Variants in SPCS2 observed in about 807,000 individuals in gnomAD.
SPCS2 encodes the protein SPase 25 kDa subunit.
A neutral mutation model predicts 22.3 loss-of-function variants in SPCS2; 3 were observed. That is an observed-to-expected ratio of 0.13 (90% CI 0.06 to 0.35). The LOEUF (loss-of-function observed/expected upper bound fraction) is 0.35. Among genes scored for constraint, SPCS2 ranks in the 10% least tolerant of loss-of-function variants. SPCS2 has a pLI of 1.00. For missense variants in SPCS2, 169 were observed against 280.9 expected, an observed-to-expected ratio of 0.60 and a Z score of 2.85; for synonymous variants, 67 against 97.2, an observed-to-expected ratio of 0.69 and a Z score of 1.83.
At chr11:74,976,832 T>A (rs771475289) in intron 4 of SPCS2, 25 bp from the exon 5 acceptor site, 2 of 1,613,332 alleles carry the variant, frequency 1.2e-6, no homozygotes, top group African/African-American at 2.7e-5. Flanking sequence ...GGTTTTTAAT[T>A]TGTTATCTTT....
At chr11:74,973,859 A>G (rs1024495407) in intron 4 of SPCS2, among the ~76,000 whole-genome samples, 9 of 151,696 alleles carry the variant, frequency 5.9e-5, no homozygotes, top group African/African-American at 1.2e-4. Flanking sequence ...CCTTGGGTCT[A>G]TGGGATTCTA....
At chr11:74,951,412 A>G (rs1355299183) in intron 1 of SPCS2, among the ~76,000 whole-genome samples, 2 of 152,202 alleles carry the variant, frequency 1.3e-5, no homozygotes, top group African/African-American at 2.4e-5. Context: ...AGATGGGGTA[A>G]TTGAATCTAT....
intron 1 of SPCS2, among the ~76,000 whole-genome samples, chr11:74,964,258 T>A (rs1209952901): frequency 2.0e-5 from 3 of 152,226 alleles, no homozygotes; most frequent in African/African-American, 7.2e-5. Context: ...TAAGTTGGCA[T>A]TCGTAGGTGC....
At chr11:74,972,896 T>TATA (rs1565488129) in intron 4 of SPCS2, among the ~76,000 whole-genome samples, 2 of 78,464 alleles carry the variant, frequency 2.5e-5, no homozygotes, top group East Asian at 6.0e-4. Context: ...ATATATATAT[T>TATA]TTTTTTTTTC....
intron 1 of SPCS2, among the ~76,000 whole-genome samples, chr11:74,954,463 CCT>C (rs1272043251): frequency 6.6e-6 from 1 of 152,214 alleles, no homozygotes; most frequent in Non-Finnish European, 1.5e-5. Flanking sequence ...AGGTGGAAGA[CCT>C]AGGCTGTGGC....
chr11:74,959,502 C>T (rs961073243), intron 1 of SPCS2, among the ~76,000 whole-genome samples: 5 of 152,200 alleles, frequency 3.3e-5, no homozygotes, highest in Non-Finnish European at 1.5e-5. Context: ...AAGCCATCTT[C>T]CTGCCTCTGT....
In SPCS2 at chr11:74,978,510, G is replaced by C. The variant is rs1010055911; in HGVS notation, c.*1467G>C. On this transcript the variant is annotated 3_prime_UTR_variant, in exon 5 of 5. Transcript: ENST00000263672. ...TACAGTCATCTTGGTATTTGTGGGA[G>C]ATTGGTTCCAGGATCCCCAAGCATA... is the stretch of plus-strand genomic sequence containing the variant. 17 of 152,170 alleles carry C rather than the reference G, an allele frequency of 1.1e-4. No individual in the cohort carries two copies. The highest frequency in any genetic ancestry group is 3.9e-4 in the African/African-American group (16 of 41,440). The allele number at this position is 152,170 out of a possible 1,614,324, so 9.4% of individuals were successfully genotyped here. A position where few individuals can be genotyped will look rare whatever the true frequency, so the allele number is the denominator to read the frequency against.
chr11:74,959,464 C>G (rs911487809), intron 1 of SPCS2, among the ~76,000 whole-genome samples: 2 of 152,214 alleles, frequency 1.3e-5, no homozygotes, highest in African/African-American at 4.8e-5. Flanking sequence ...ACAATCACGG[C>G]TCACTGCAGC....
At chr11:74,966,263 G>A (rs1948545057) in intron 3 of SPCS2, among the ~76,000 whole-genome samples, 1 of 152,148 alleles carries the variant, frequency 6.6e-6, no homozygotes, top group Non-Finnish European at 1.5e-5. Flanking sequence ...AGACGTGGCT[G>A]CTTCAAGCCA....
chr11:74,950,178 C>T (rs1035685844), intron 1 of SPCS2, among the ~76,000 whole-genome samples: 1 of 152,212 alleles, frequency 6.6e-6, no homozygotes, highest in East Asian at 1.9e-4. Flanking sequence ...GAAACAGTTG[C>T]ACGGAGAACA....
Position 74,965,929 on chromosome 11 carries a change from CTTTA to C in SPCS2, c.359+12_359+15del, listed in dbSNP as rs755210225. On this transcript the variant is annotated splice_region_variant and intron_variant, in intron 3 of 4. Transcript: ENST00000263672. ...TTGGCTTTGTGTGTCATATCATATC[CTTTA>C]TTTATGCTCAGGTTGTTTTCTAGTG... is the stretch of plus-strand genomic sequence containing the variant. 36 of 1,596,876 alleles carry C rather than the reference CTTTA, an allele frequency of 2.3e-5. No individual in the cohort carries two copies. Among genetic ancestry groups the C allele is most frequent in the Non-Finnish European group, 2.9e-5 (34 of 1,173,934 alleles).
At chr11:74,953,367 A>G (rs1948457642) in intron 1 of SPCS2, among the ~76,000 whole-genome samples, 1 of 151,986 alleles carries the variant, frequency 6.6e-6, no homozygotes, top group South Asian at 2.1e-4. Context: ...TAATTTTTGT[A>G]TATTTAGTAG....
intron 1 of SPCS2, among the ~76,000 whole-genome samples, chr11:74,956,803 C>T (rs1414823430): frequency 6.6e-6 from 1 of 152,044 alleles, no homozygotes; most frequent in African/African-American, 2.4e-5. Flanking sequence ...TTTCTGTCAT[C>T]CTCATCTGTC....
chr11:74,971,536 A>G (rs924233658), intron 4 of SPCS2, among the ~76,000 whole-genome samples: 8 of 152,016 alleles, frequency 5.3e-5, no homozygotes, highest in Admixed American at 2.6e-4. Flanking sequence ...GGTGGAGTGG[A>G]ATGTGAATGT....
intron 1 of SPCS2, among the ~76,000 whole-genome samples, chr11:74,954,939 C>T (rs964088753): frequency 2.6e-5 from 4 of 152,068 alleles, no homozygotes; most frequent in Admixed American, 6.6e-5. Context: ...CCATAGAAGA[C>T]GTACGAATGG....
intron 3 of SPCS2, among the ~76,000 whole-genome samples, chr11:74,966,627 T>C (rs1057375239): frequency 1.3e-5 from 2 of 152,210 alleles, no homozygotes; most frequent in African/African-American, 4.8e-5. Flanking sequence ...TGTAAGATCA[T>C]GGTCGTTGCC....
intron 4 of SPCS2, among the ~76,000 whole-genome samples, chr11:74,976,343 AG>A (rs1476019166): frequency 3.3e-5 from 5 of 152,248 alleles, no homozygotes; most frequent in Admixed American, 3.3e-4. Flanking sequence ...TGATACCATA[AG>A]AGCCTATTAT....
At chr11:74,954,819 ATAT>A (rs1335699306) in intron 1 of SPCS2, among the ~76,000 whole-genome samples, 1 of 152,356 alleles carries the variant, frequency 6.6e-6, no homozygotes, top group East Asian at 1.9e-4. Context: ...TTCAAATCAT[ATAT>A]CTGATAAGGG....
chr11:74,964,161 A>C (rs1948531056), intron 1 of SPCS2, among the ~76,000 whole-genome samples: 1 of 152,238 alleles, frequency 6.6e-6, no homozygotes, highest in Non-Finnish European at 1.5e-5. Context: ...ATTACAGACA[A>C]TGCTGCAGTG....
Sources: gnomAD v4.1 joint callset for allele counts (sites outside exome capture counted in the v4.1 genomes callset) on GRCh38, gnomAD v4.1.1 for gene constraint, MANE v1.5 for transcripts, NCBI Gene and HGNC (gene_info 2026-07-23, HGNC 2026-07-21) for gene names.